The following KHDRBS2 variants were observed in gnomAD, a reference collection of about 807,000 sequenced individuals.
The protein encoded by KHDRBS2 is KH RNA binding domain containing, signal transduction associated 2, also known as KH domain-containing, RNA-binding, signal transduction-associated protein 2.
In KHDRBS2, 26 loss-of-function variants were observed where a neutral mutation model predicts 44.3. The observed-to-expected ratio is 0.59, with a 90% confidence interval of 0.43 to 0.81. The LOEUF (loss-of-function observed/expected upper bound fraction) is 0.81. Among genes scored for constraint, KHDRBS2 ranks in the 40% least tolerant of loss-of-function variants. The pLI is 0.00. For missense variants in KHDRBS2, 476 were observed against 433.1 expected (o/e 1.10, Z -0.88); for synonymous variants, 194 against 151.1 (o/e 1.28, Z -2.08).
At chr6:61,955,019 C>CATATATAG (rs1766225966) in intron 4 of KHDRBS2, among the ~76,000 whole-genome samples, 2 of 141,986 alleles carry the variant, frequency 1.4e-5, no homozygotes, top group African/African-American at 2.6e-5. Flanking sequence ...TATGTATACA[C>CATATATAG]ACATACATAT....
chr6:61,688,049 T>A (rs1414433623), intron 8 of KHDRBS2, among the ~76,000 whole-genome samples: 1 of 151,886 alleles, frequency 6.6e-6, no homozygotes, highest in Non-Finnish European at 1.5e-5. Context: ...TTATTTCTAA[T>A]TATCATCCAT....
intron 2 of KHDRBS2, among the ~76,000 whole-genome samples, chr6:62,118,308 T>C (rs1806771685): frequency 6.6e-6 from 1 of 152,230 alleles, no homozygotes; most frequent in African/African-American, 2.4e-5. Context: ...GTTTGCAGTA[T>C]ATTTTGAAGC....
chr6:62,258,513 G>A (rs970252502), intron 1 of KHDRBS2, among the ~76,000 whole-genome samples: 3 of 152,006 alleles, frequency 2.0e-5, no homozygotes, highest in African/African-American at 7.2e-5. Context: ...TGACAGTGAT[G>A]CCAGACAATC....
rs562972915 is a variant in KHDRBS2 at position 62,199,767 on chromosome 6, G to T, written c.92-22455C>A. ...TTCACATGGAACCAAAAAAGAGCCC[G>T]CATTGCCAAGTCAATCCTAAGCCAA... On this transcript the variant is annotated intron_variant, in intron 1 of 8. Transcript: ENST00000281156. Among the ~76,000 whole-genome samples, 8 of 152,056 alleles carry T rather than the reference G, an allele frequency of 5.3e-5. No homozygotes were observed. The East Asian group carries it at 1.5e-3, about 29-fold the overall frequency.
intron 1 of KHDRBS2, among the ~76,000 whole-genome samples, chr6:62,208,054 C>T (rs1828327840): frequency 1.3e-5 from 2 of 152,150 alleles, no homozygotes; most frequent in African/African-American, 2.4e-5. Context: ...TCTGCCCCCT[C>T]TCACCCATGG....
chr6:62,171,746 A>G (rs1467422194), intron 2 of KHDRBS2, among the ~76,000 whole-genome samples: 1 of 152,174 alleles, frequency 6.6e-6, no homozygotes, highest in African/African-American at 2.4e-5. Context: ...GTAACCCTGT[A>G]AGCCAGAAGA....
At chr6:61,691,318 T>A (rs1767370341) in intron 8 of KHDRBS2, among the ~76,000 whole-genome samples, 1 of 152,110 alleles carries the variant, frequency 6.6e-6, no homozygotes, top group Admixed American at 6.6e-5. Context: ...TGCTCTGCAC[T>A]TATTACCAAG....
the KHDRBS2 span, among the ~76,000 whole-genome samples, chr6:61,581,514 A>G: frequency 1.3e-5 from 2 of 148,900 alleles, no homozygotes; most frequent in African/African-American, 4.9e-5. Flanking sequence ...GAAATAATGT[A>G]TATATAATAT....
At chr6:61,951,576 C>T (rs1048086434) in intron 4 of KHDRBS2, among the ~76,000 whole-genome samples, 7 of 152,124 alleles carry the variant, frequency 4.6e-5, no homozygotes, top group African/African-American at 1.7e-4. Flanking sequence ...CCTTGGAATG[C>T]TAACATGTGT....
intron 2 of KHDRBS2, among the ~76,000 whole-genome samples, chr6:62,116,929 TTTTC>T (rs1806382243): frequency 6.6e-6 from 1 of 152,176 alleles, no homozygotes; most frequent in South Asian, 2.1e-4. Flanking sequence ...GATTTCACTC[TTTTC>T]TTTATGGCTG....
At chr6:61,589,672 C>T in the KHDRBS2 span, among the ~76,000 whole-genome samples, 1 of 152,156 alleles carries the variant, frequency 6.6e-6, no homozygotes, top group Non-Finnish European at 1.5e-5. Flanking sequence ...CAAGGACTCC[C>T]AGTCCCACCA....
intron 2 of KHDRBS2, among the ~76,000 whole-genome samples, chr6:62,108,284 G>A (rs1237903403): frequency 6.6e-6 from 1 of 152,130 alleles, no homozygotes; most frequent in African/African-American, 2.4e-5. Flanking sequence ...AGTGGGCGAA[G>A]GACATGAACA....
chr6:62,079,005 C>T (rs1446974768), intron 2 of KHDRBS2, among the ~76,000 whole-genome samples: 1 of 151,920 alleles, frequency 6.6e-6, no homozygotes, highest in Non-Finnish European at 1.5e-5. Context: ...TCCTAACTGA[C>T]TTGCAAAGGT....
intron 6 of KHDRBS2, among the ~76,000 whole-genome samples, chr6:61,771,080 C>A (rs1780809541): frequency 6.6e-6 from 1 of 152,152 alleles, no homozygotes; most frequent in Non-Finnish European, 1.5e-5. Context: ...CATATCCAGC[C>A]AAACTAAGCT....
chr6:61,596,779 G>A, the KHDRBS2 span, among the ~76,000 whole-genome samples: 2 of 152,078 alleles, frequency 1.3e-5, no homozygotes, highest in Non-Finnish European at 2.9e-5. Context: ...AGCCTCCTGA[G>A]TAGCTGGGAC....
At chr6:61,767,113 T>A (rs1178980168) in intron 6 of KHDRBS2, among the ~76,000 whole-genome samples, 1 of 152,102 alleles carries the variant, frequency 6.6e-6, no homozygotes, top group Non-Finnish European at 1.5e-5. Context: ...CTCATAGTAT[T>A]TCTTTATATA....
At chr6:61,694,102 A>C (rs988314496) in intron 8 of KHDRBS2, among the ~76,000 whole-genome samples, 14 of 152,132 alleles carry the variant, frequency 9.2e-5, no homozygotes, top group African/African-American at 2.9e-4. Context: ...TGATGTAGCA[A>C]GTGTAAAAAA....
At chr6:61,792,737 A>T (rs1451289178) in intron 6 of KHDRBS2, among the ~76,000 whole-genome samples, 1 of 151,950 alleles carries the variant, frequency 6.6e-6, no homozygotes, top group Non-Finnish European at 1.5e-5. Flanking sequence ...GGAGTTGTAA[A>T]AATATACATT....
intron 7 of KHDRBS2, among the ~76,000 whole-genome samples, chr6:61,721,612 T>C (rs889702148): frequency 1.5e-5 from 2 of 129,342 alleles, no homozygotes; most frequent in African/African-American, 5.3e-5. Context: ...ATGCTTGTGA[T>C]TTTTATACAT....
Sources: gnomAD v4.1 joint callset for allele counts (sites outside exome capture counted in the v4.1 genomes callset) on GRCh38, gnomAD v4.1.1 for gene constraint, MANE v1.5 for transcripts, NCBI Gene and HGNC (gene_info 2026-07-23, HGNC 2026-07-21) for gene names.